Variants in C6orf62 observed in about 807,000 individuals in gnomAD.
C6orf62 encodes chromosome 6 open reading frame 62, also known as uncharacterized protein C6orf62.
Under a neutral mutation model 26.8 loss-of-function variants are expected in C6orf62, and 16 were observed. The observed-to-expected ratio is 0.60, with a 90% CI of 0.40 to 0.91. The LOEUF (loss-of-function observed/expected upper bound fraction) is 0.91. C6orf62 is among the 40% of genes least tolerant of loss of function. The probability of loss-of-function intolerance (pLI) is 0.00; values close to 1 mark genes in which losing one functional copy is unlikely to be tolerated. For synonymous variants in C6orf62, 112 were observed against 91.5 expected, an observed-to-expected ratio of 1.22 and a Z score of -1.28; for missense variants, 192 against 271.4, an observed-to-expected ratio of 0.71 and a Z score of 2.06.
chr6:24,713,428 G>A (rs1779160634), intron 3 of C6orf62, among the ~76,000 whole-genome samples: 2 of 152,132 alleles, frequency 1.3e-5, no homozygotes, highest in South Asian at 4.1e-4. Context: ...TATACAGTCT[G>A]TGAAAAACAT....
upstream of C6orf62, chr6:24,719,647 G>A (rs1779313964): frequency 1.4e-6 from 2 of 1,443,368 alleles, no homozygotes; most frequent in Admixed American, 2.8e-5. Context: ...AACACCCCCA[G>A]CCTGCAACTA....
Position 24,705,344 on chromosome 6 carries a change from C to T in C6orf62, c.*793G>A, listed in dbSNP as rs1341844578. On this transcript the variant is annotated 3_prime_UTR_variant, in exon 5 of 5. Coordinates refer to ENST00000378119, the MANE Select transcript of C6orf62 (RefSeq NM_030939.5). ...CAAAACAAAACAAAACAAAACAAAA[C>T]CAAAAGAAAAGTCCTCTACCTATCA... The T allele has an allele frequency of 6.6e-6, 1 of 152,218 alleles. No individual in the cohort carries two copies. Among genetic ancestry groups the T allele is most frequent in the Non-Finnish European group, 1.5e-5 (1 of 67,984 alleles). 9.4% of individuals were successfully genotyped at this position (152,218 alleles called of 1,614,324 possible).
At chr6:24,708,644 T>C (rs1779061226) in intron 4 of C6orf62, 133 bp downstream of exon 4, 1 of 1,238,098 alleles carries the variant, frequency 8.1e-7, no homozygotes, top group African/African-American at 1.5e-5. Flanking sequence ...AGCCTATTTT[T>C]TGCTTTTTAA....
Position 24,718,903 on chromosome 6 carries a change from T to C in C6orf62, c.-235A>G. 3 of 1,313,574 alleles carry C rather than the reference T, an allele frequency of 2.3e-6. No individual in the cohort carries two copies. The highest frequency in any genetic ancestry group is 2.9e-6 in the Non-Finnish European group (3 of 1,034,608). 81.4% of individuals were successfully genotyped at this position (1,313,574 alleles called of 1,614,324 possible). On this transcript the variant is annotated 5_prime_UTR_variant, in exon 1 of 5. Coordinates refer to ENST00000378119, the MANE Select transcript of C6orf62 (RefSeq NM_030939.5). ...CCAGTCATGTTTGGACAATAACGTT[T>C]GGGGTCAGACGGGAAAAAGGGAGGA... is the stretch of plus-strand genomic sequence containing the variant.
upstream of C6orf62, chr6:24,720,195 C>T: frequency 2.9e-6 from 4 of 1,355,956 alleles, no homozygotes; most frequent in Non-Finnish European, 3.8e-6. Flanking sequence ...TCCCTGTCCC[C>T]GCGGAGCCCG....
chr6:24,719,155 CAAA>C (rs5875002), upstream of C6orf62: 7,998 of 865,862 alleles, frequency 9.2e-3, no homozygotes, highest in South Asian at 9.8e-3. Context: ...CCTTGCTTTC[CAAA>C]AAAAAAAAAA....
chr6:24,714,818 C>T (rs116296127), intron 2 of C6orf62, among the ~76,000 whole-genome samples: 2,675 of 152,210 alleles, frequency 0.018, 30 homozygotes, highest in South Asian at 0.035. Flanking sequence ...GGGGTTTCAC[C>T]ACGTCAGCCA....
intron 3 of C6orf62, among the ~76,000 whole-genome samples, chr6:24,711,017 A>C (rs1026914603): frequency 6.6e-6 from 1 of 151,912 alleles, no homozygotes; most frequent in Non-Finnish European, 1.5e-5. Context: ...AACAAAAAAA[A>C]CAGCCATACT....
intron 2 of C6orf62, 129 bp downstream of exon 2, chr6:24,716,019 A>G: frequency 1.4e-6 from 1 of 721,168 alleles, no homozygotes; most frequent in South Asian, 1.8e-5. Flanking sequence ...AACATGGCAC[A>G]AAGACAAATT....
At chr6:24,720,058 T>G, upstream of C6orf62, 2 of 1,232,986 alleles carry the variant, frequency 1.6e-6, no homozygotes, top group Non-Finnish European at 1.0e-6. Context: ...GGATTAGCTC[T>G]CTCTCACGTT....
At chr6:24,720,483 G>C (rs1339062055), upstream of C6orf62, 2 of 764,720 alleles carry the variant, frequency 2.6e-6, no homozygotes, top group Non-Finnish European at 3.3e-6. Context: ...GGAAGGACGC[G>C]GAGACAGCGG....
At chr6:24,713,177 T>A (rs1779155195) in intron 3 of C6orf62, among the ~76,000 whole-genome samples, 1 of 152,222 alleles carries the variant, frequency 6.6e-6, no homozygotes, top group Admixed American at 6.5e-5. Context: ...CACCTGGATG[T>A]AGTCCCATCA....
intron 3 of C6orf62, among the ~76,000 whole-genome samples, chr6:24,711,571 G>A (rs946450910): frequency 2.6e-5 from 4 of 151,944 alleles, no homozygotes; most frequent in Admixed American, 2.6e-4. Context: ...GAGGCAAGAG[G>A]ATCACTTGAA....
chr6:24,720,011 A>ACGGGGGG, upstream of C6orf62: 2 of 1,502,126 alleles, frequency 1.3e-6, no homozygotes, highest in Non-Finnish European at 1.8e-6. Context: ...CTTCTAAAGT[A>ACGGGGGG]AGCCCACCCA....
At chr6:24,719,465 G>A (rs1378706382), upstream of C6orf62, 13 of 1,092,028 alleles carry the variant, frequency 1.2e-5, no homozygotes, top group East Asian at 7.9e-4. Context: ...AAGGAGCCAT[G>A]AGAAAAAACA....
At chr6:24,709,942 T>C (rs558745132) in intron 3 of C6orf62, 36 of 985,448 alleles carry the variant, frequency 3.7e-5, no homozygotes, top group African/African-American at 1.9e-4. Context: ...AATAATAACA[T>C]TGAAAAACCA....
chr6:24,719,830 C>T (rs1037953963), upstream of C6orf62: 4 of 1,549,448 alleles, frequency 2.6e-6, no homozygotes, highest in African/African-American at 1.4e-5. Context: ...GTCCCACCCC[C>T]ACCCCTTGCC....
chr6:24,718,739 A>G lies in C6orf62; in HGVS notation c.-71T>C. The G allele has an allele frequency of 6.3e-7, 1 of 1,590,510 alleles. No individual in the cohort carries two copies. Among genetic ancestry groups the G allele is most frequent in the Non-Finnish European group, 8.5e-7 (1 of 1,174,530 alleles). ...CTATGGGCACTTTTTCTTAAGACTC[A>G]AGTACAACAGAAACAAGTCATTTTT... On this transcript the variant is annotated 5_prime_UTR_variant, in exon 1 of 5. The change abolishes the stop of an existing upstream ORF in the 5' untranslated region. Transcript: ENST00000378119.
intron 3 of C6orf62, among the ~76,000 whole-genome samples, chr6:24,713,264 T>A (rs776277703): frequency 6.6e-6 from 1 of 152,238 alleles, no homozygotes; most frequent in Admixed American, 6.5e-5. Flanking sequence ...CGAACCATTA[T>A]AAGTCAGGGG....
Sources: gnomAD v4.1 joint callset for allele counts (sites outside exome capture counted in the v4.1 genomes callset) on GRCh38, gnomAD v4.1.1 for gene constraint, MANE v1.5 for transcripts, NCBI Gene and HGNC (gene_info 2026-07-23, HGNC 2026-07-21) for gene names.